The following CNTLN variants were observed in gnomAD, a reference collection of about 807,000 sequenced individuals.
CNTLN encodes the protein centlein.
A neutral mutation model predicts 180.0 loss-of-function variants in CNTLN; 212 were observed. The observed-to-expected ratio is 1.18, with a 90% CI of 1.05 to 1.32. CNTLN has a LOEUF of 1.32. Among genes scored for constraint, CNTLN ranks in the 40% most tolerant of loss-of-function variants. The pLI is 0.00. For synonymous variants in CNTLN, 722 were observed against 563.1 expected, an observed-to-expected ratio of 1.28 and a Z score of -3.99; for missense variants, 2,095 against 1,610.9, an observed-to-expected ratio of 1.30 and a Z score of -5.14.
chr9:17,340,901 C>G lies in CNTLN; in HGVS notation c.1719C>G (p.Tyr573Ter). 1 of 1,612,166 alleles carries G rather than the reference C, an allele frequency of 6.2e-7. No homozygotes were observed. Among genetic ancestry groups the G allele is most frequent in the Non-Finnish European group, 8.5e-7 (1 of 1,178,976 alleles). Reference protein sequence around the residue: ...KERLQMLQTNYRAVKEQLKQW... With the variant: ...KERLQMLQTN ...GGCTACAGATGTTACAGACCAACTA[C>G]AGAGCAGTAAAAGAGCAATTAAAAC... The change falls in exon 11 of 26, where the codon TAC (tyrosine) becomes TAG (stop). Residue 573 changes from tyrosine to a stop codon, truncating the protein, a stop_gained. Transcript: ENST00000380647. LOFTEE classifies it high-confidence loss of function.
chr9:17,508,582 A>T (rs1317043278), downstream of CNTLN, among the ~76,000 whole-genome samples: 1 of 151,802 alleles, frequency 6.6e-6, no homozygotes, highest in Non-Finnish European at 1.5e-5. Flanking sequence ...CCTCCCTTTA[A>T]CTCTAATCCC....
At chr9:17,229,227 G>A (rs186476835) in intron 3 of CNTLN, among the ~76,000 whole-genome samples, 2 of 152,126 alleles carry the variant, frequency 1.3e-5, no homozygotes, top group African/African-American at 2.4e-5. Flanking sequence ...TGTCATTGTC[G>A]TAAAATGCTG....
chr9:17,502,444 T>C, intron 25 of CNTLN, 107 bp from the exon 26 acceptor site: 1 of 554,702 alleles, frequency 1.8e-6, no homozygotes, highest in Non-Finnish European at 3.1e-6. Flanking sequence ...CCATTATGGC[T>C]GCAAAGTTGC....
intron 6 of CNTLN, among the ~76,000 whole-genome samples, chr9:17,275,968 C>T (rs188607348): frequency 6.4e-4 from 98 of 152,144 alleles, no homozygotes; most frequent in African/African-American, 2.3e-3. Context: ...GCAGTAGACA[C>T]TGTGGACTAC....
intron 12 of CNTLN, among the ~76,000 whole-genome samples, chr9:17,365,162 T>G (rs1400441983): frequency 6.6e-6 from 1 of 152,074 alleles, no homozygotes; most frequent in Non-Finnish European, 1.5e-5. Context: ...TGGTGAGAGG[T>G]GACTTGATCA....
At chr9:17,390,963 T>C (rs1166776458) in intron 14 of CNTLN, among the ~76,000 whole-genome samples, 1 of 152,136 alleles carries the variant, frequency 6.6e-6, no homozygotes, top group Non-Finnish European at 1.5e-5. Flanking sequence ...TCCTCACCTA[T>C]CATAAGGGCC....
chr9:17,166,527 T>G (rs1237807847), intron 2 of CNTLN, among the ~76,000 whole-genome samples: 1 of 152,154 alleles, frequency 6.6e-6, no homozygotes, highest in East Asian at 1.9e-4. Flanking sequence ...CACAAAGAAC[T>G]ATTGCAAGGC....
chr9:17,160,431 C>G (rs1819600380), intron 2 of CNTLN, among the ~76,000 whole-genome samples: 1 of 152,150 alleles, frequency 6.6e-6, no homozygotes, highest in African/African-American at 2.4e-5. Flanking sequence ...ATGACATTTT[C>G]TTCCCTTTCT....
intron 12 of CNTLN, among the ~76,000 whole-genome samples, chr9:17,347,968 G>T (rs1211824888): frequency 6.6e-6 from 1 of 151,868 alleles, no homozygotes; most frequent in Non-Finnish European, 1.5e-5. Context: ...AGTAGCTGGG[G>T]CTATAGATGC....
intron 16 of CNTLN, among the ~76,000 whole-genome samples, chr9:17,410,428 G>T (rs898796136): frequency 3.3e-5 from 5 of 152,128 alleles, no homozygotes; most frequent in South Asian, 4.1e-4. Flanking sequence ...TTTTATATAT[G>T]CTATATATGA....
intron 8 of CNTLN, among the ~76,000 whole-genome samples, chr9:17,320,168 T>C (rs932713377): frequency 6.6e-6 from 1 of 152,214 alleles, no homozygotes; most frequent in East Asian, 1.9e-4. Flanking sequence ...TTAACCAGTC[T>C]TGTTGATTTT....
intron 3 of CNTLN, among the ~76,000 whole-genome samples, chr9:17,228,004 C>T (rs1174237738): frequency 6.6e-6 from 1 of 151,996 alleles, no homozygotes; most frequent in Non-Finnish European, 1.5e-5. Flanking sequence ...TTTGTATTTA[C>T]ATTTTACTGG....
chr9:17,274,484 TCTA>T, intron 6 of CNTLN, among the ~76,000 whole-genome samples: 1 of 146,214 alleles, frequency 6.8e-6, no homozygotes, highest in Admixed American at 6.8e-5. Context: ...TATCTATCTA[TCTA>T]TCTATCTATC....
chr9:17,181,045 G>T (rs575297711), intron 2 of CNTLN, among the ~76,000 whole-genome samples: 12 of 152,090 alleles, frequency 7.9e-5, no homozygotes, highest in Non-Finnish European at 1.8e-4. Flanking sequence ...TGAGATTATT[G>T]TGTTCGGGTT....
intron 7 of CNTLN, among the ~76,000 whole-genome samples, chr9:17,305,440 G>A (rs1563978886): frequency 6.6e-6 from 1 of 151,844 alleles, no homozygotes; most frequent in Admixed American, 6.6e-5. Flanking sequence ...ATTGCTAATA[G>A]GGAAAAAGAT....
At chr9:17,200,766 T>A (rs1822466555) in intron 2 of CNTLN, among the ~76,000 whole-genome samples, 1 of 152,148 alleles carries the variant, frequency 6.6e-6, no homozygotes, top group South Asian at 2.1e-4. Flanking sequence ...AAATATACAA[T>A]CATATCATCT....
intron 1 of CNTLN, among the ~76,000 whole-genome samples, chr9:17,142,919 G>A (rs1317895243): frequency 6.6e-6 from 1 of 152,172 alleles, no homozygotes; most frequent in Non-Finnish European, 1.5e-5. Flanking sequence ...GCATTATAGA[G>A]TGAATGGGAG....
chr9:17,218,467 G>A (rs892368625), intron 2 of CNTLN, among the ~76,000 whole-genome samples: 18 of 151,712 alleles, frequency 1.2e-4, no homozygotes, highest in African/African-American at 2.7e-4. Context: ...TTCACTATGC[G>A]TATTCATAAG....
chr9:17,329,095 C>T lies in CNTLN; in HGVS notation c.1342-1537C>T, dbSNP rs1820481674. On this transcript the variant is annotated intron_variant, in intron 8 of 25. Transcript: ENST00000380647. ...TCATTTATTGACGAACACAAGTTTGCTTGTTGGATATACCAATAAACTAAA... is the reference window on the plus strand; with the variant it reads ...TCATTTATTGACGAACACAAGTTTGTTTGTTGGATATACCAATAAACTAAA... 2.0e-5 allele frequency among the ~76,000 whole-genome samples: 3 copies of T among 152,014 alleles called. No individual in the cohort carries two copies. In the South Asian group the frequency reaches 6.2e-4, roughly 32 times the overall value.
Sources: allele counts gnomAD v4.1 joint callset (sites outside exome capture counted in the v4.1 genomes callset), GRCh38; gene constraint gnomAD v4.1.1; transcripts MANE v1.5; gene names NCBI Gene and HGNC (gene_info 2026-07-23, HGNC 2026-07-21).